Variants in SGCZ observed in about 807,000 individuals in gnomAD.
SGCZ encodes the protein sarcoglycan zeta.
In SGCZ, 40 loss-of-function variants were observed where a neutral mutation model predicts 41.3. The observed-to-expected ratio is 0.97, with a 90% CI of 0.75 to 1.26. The LOEUF is 1.26. Ranked by LOEUF, SGCZ falls within the 50% of genes most tolerant of loss-of-function variation. SGCZ has a pLI of 0.00. For missense variants in SGCZ, 552 were observed against 369.8 expected (o/e 1.49, Z -4.04); for synonymous variants, 206 against 137.5 (o/e 1.50, Z -3.49).
intron 5 of SGCZ, among the ~76,000 whole-genome samples, chr8:14,157,299 A>G (rs955946751): frequency 6.1e-5 from 9 of 147,824 alleles, no homozygotes; most frequent in African/African-American, 2.2e-4. Context: ...ATTATATTTA[A>G]TATACAATAT....
At chr8:14,232,507 A>C (rs1157316519) in intron 4 of SGCZ, among the ~76,000 whole-genome samples, 1 of 152,138 alleles carries the variant, frequency 6.6e-6, no homozygotes, top group Admixed American at 6.6e-5. Context: ...CTAAGTTTCA[A>C]GAATTACTGA....
chr8:14,925,875 T>C (rs916159024), intron 1 of SGCZ, among the ~76,000 whole-genome samples: 1 of 150,620 alleles, frequency 6.6e-6, no homozygotes, highest in Non-Finnish European at 1.5e-5. Flanking sequence ...AAAAAAAAAA[T>C]GCATAAAAGG....
intron 1 of SGCZ, among the ~76,000 whole-genome samples, chr8:14,923,448 TTAACTGAACTGAAA>T (rs1486710360): frequency 6.6e-6 from 1 of 152,170 alleles, no homozygotes; most frequent in East Asian, 1.9e-4. Flanking sequence ...ATGGTATCAG[TTAACTGAACTGAAA>T]TGGTTCCCAT....
At chr8:14,836,978 C>T (rs1300240313) in intron 1 of SGCZ, among the ~76,000 whole-genome samples, 1 of 152,194 alleles carries the variant, frequency 6.6e-6, no homozygotes, top group East Asian at 1.9e-4. Flanking sequence ...CTATATAAAC[C>T]TTTTCATATA....
intron 1 of SGCZ, among the ~76,000 whole-genome samples, chr8:14,596,799 G>C (rs1053324544): frequency 6.6e-6 from 1 of 151,810 alleles, no homozygotes; most frequent in African/African-American, 2.4e-5. Flanking sequence ...TAACAAACCT[G>C]CACATTTTGC....
chr8:15,054,163 G>C (rs1161701590), intron 1 of SGCZ, among the ~76,000 whole-genome samples: 1 of 152,124 alleles, frequency 6.6e-6, no homozygotes, highest in African/African-American at 2.4e-5. Flanking sequence ...TTTAGTTCTT[G>C]CTCATAATGA....
chr8:14,434,116 C>A (rs746123806), intron 2 of SGCZ, among the ~76,000 whole-genome samples: 23 of 152,188 alleles, frequency 1.5e-4, no homozygotes, highest in Non-Finnish European at 2.6e-4. Flanking sequence ...AGATTTAAGT[C>A]CTTAATCCAT....
At chr8:15,207,802 T>C (rs974647686) in intron 1 of SGCZ, among the ~76,000 whole-genome samples, 1 of 151,996 alleles carries the variant, frequency 6.6e-6, no homozygotes, top group Non-Finnish European at 1.5e-5. Context: ...AAGAAGGAAA[T>C]GAAGGACATT....
intron 4 of SGCZ, among the ~76,000 whole-genome samples, chr8:14,227,653 T>A (rs1585253096): frequency 6.6e-6 from 1 of 152,206 alleles, no homozygotes; most frequent in East Asian, 1.9e-4. Flanking sequence ...TCTTAAGAAA[T>A]CTGAAGAGAT....
intron 3 of SGCZ, among the ~76,000 whole-genome samples, chr8:14,269,069 C>T (rs1287812989): frequency 6.6e-6 from 1 of 151,804 alleles, no homozygotes; most frequent in Non-Finnish European, 1.5e-5. Context: ...TCATTAAACA[C>T]AATTATAAGT....
chr8:14,482,123 T>C (rs1393613859), intron 2 of SGCZ, among the ~76,000 whole-genome samples: 2 of 152,118 alleles, frequency 1.3e-5, no homozygotes, highest in African/African-American at 4.8e-5. Context: ...TCAACATAGT[T>C]TTCCCCTGAG....
intron 5 of SGCZ, chr8:14,161,214 C>G (rs1330732713): frequency 6.6e-6 from 1 of 152,210 alleles, no homozygotes; most frequent in Non-Finnish European, 1.5e-5. Flanking sequence ...AATCTGCATG[C>G]TATGCTACGC....
intron 1 of SGCZ, among the ~76,000 whole-genome samples, chr8:14,858,896 A>T (rs752179903): frequency 1.3e-5 from 2 of 152,166 alleles, no homozygotes; most frequent in Non-Finnish European, 2.9e-5. Context: ...AATTTACCAA[A>T]ATTCTAATTT....
At chr8:15,204,327 T>A (rs531234072) in intron 1 of SGCZ, among the ~76,000 whole-genome samples, 1 of 152,336 alleles carries the variant, frequency 6.6e-6, no homozygotes, top group African/African-American at 2.4e-5. Flanking sequence ...AGAAGGGTTT[T>A]ATTTTGACAA....
chr8:14,488,540 A>C (rs991008223), intron 2 of SGCZ, among the ~76,000 whole-genome samples: 18 of 152,114 alleles, frequency 1.2e-4, no homozygotes, highest in Non-Finnish European at 1.9e-4. Context: ...CCAGTTTTAC[A>C]ACATGGAAAT....
intron 1 of SGCZ, among the ~76,000 whole-genome samples, chr8:14,835,707 C>A (rs1375152222): frequency 6.6e-6 from 1 of 152,174 alleles, no homozygotes; most frequent in Non-Finnish European, 1.5e-5. Context: ...CTTGGCCTAA[C>A]AACAGAAGCA....
At chr8:14,816,393 G>T (rs1801903948) in intron 1 of SGCZ, among the ~76,000 whole-genome samples, 1 of 152,156 alleles carries the variant, frequency 6.6e-6, no homozygotes, top group East Asian at 1.9e-4. Context: ...GTGTAATACA[G>T]GATACCTCAG....
chr8:15,077,446 C>G (rs1805577332), intron 1 of SGCZ, among the ~76,000 whole-genome samples: 1 of 152,204 alleles, frequency 6.6e-6, no homozygotes, highest in African/African-American at 2.4e-5. Context: ...AGCAAAAGCA[C>G]TAGACAATCC....
At chr8:14,290,870 T>A (rs1316309188) in intron 3 of SGCZ, among the ~76,000 whole-genome samples, 1 of 152,152 alleles carries the variant, frequency 6.6e-6, no homozygotes, top group African/African-American at 2.4e-5. Context: ...AATCAGTATG[T>A]TGAAGAGATA....
Sources: gnomAD v4.1 joint callset for allele counts (sites outside exome capture counted in the v4.1 genomes callset) on GRCh38, gnomAD v4.1.1 for gene constraint, MANE v1.5 for transcripts, NCBI Gene and HGNC (gene_info 2026-07-23, HGNC 2026-07-21) for gene names.